The following ABLIM2 variants were observed in gnomAD, a reference collection of about 807,000 sequenced individuals.
The protein encoded by ABLIM2 is actin binding LIM protein family member 2.
Under a neutral mutation model 97.7 loss-of-function variants are expected in ABLIM2, and 53 were observed. The ratio of observed to expected loss-of-function variants is 0.54; its 90% confidence interval spans 0.44 to 0.68. The LOEUF (loss-of-function observed/expected upper bound fraction) is 0.68. ABLIM2 is among the 30% of genes least tolerant of loss of function. ABLIM2 has a pLI of 0.00. For synonymous variants in ABLIM2, 361 were observed against 345.8 expected, an observed-to-expected ratio of 1.04 and a Z score of -0.49; for missense variants, 835 against 867.2, an observed-to-expected ratio of 0.96 and a Z score of 0.47.
intron 20 of ABLIM2, among the ~76,000 whole-genome samples, chr4:7,976,300 T>C (rs550872553): frequency 2.0e-5 from 3 of 152,210 alleles, no homozygotes; most frequent in African/African-American, 7.2e-5. Flanking sequence ...TCTGCATCCA[T>C]CCACTTCTCA....
At chr4:8,097,067 G>T (rs1237479467) in intron 3 of ABLIM2, 32 bp downstream of exon 3, 2 of 1,580,006 alleles carry the variant, frequency 1.3e-6, no homozygotes, top group East Asian at 2.3e-5. Flanking sequence ...AGAGAGGCAG[G>T]GGAAGCAGAG....
rs1454400148 is a variant in ABLIM2, at chr4:8,069,183, A to C, written c.676-8129T>G. ...CGTGAGCCTCAGGAGCGCTTGGCCCAGCGGCCTCATTCTCTGCTGTACCCC... is the reference window on the plus strand; with the variant it reads ...CGTGAGCCTCAGGAGCGCTTGGCCCCGCGGCCTCATTCTCTGCTGTACCCC... On this transcript the variant is annotated intron_variant, in intron 6 of 20. Coordinates refer to ENST00000447017, the MANE Select transcript of ABLIM2 (RefSeq NM_001130083.2). This position sits in a 1 kb window ranked among gnomAD's most constrained non-coding sequence, Gnocchi z 4.2. Among the ~76,000 whole-genome samples the C allele has an allele frequency of 6.6e-6, 1 of 152,234 alleles. No homozygotes were observed. Among genetic ancestry groups the C allele is most frequent in the African/African-American group, 2.4e-5 (1 of 41,458 alleles).
chr4:7,987,104 G>C (rs1272514442), intron 17 of ABLIM2, among the ~76,000 whole-genome samples: 1 of 152,130 alleles, frequency 6.6e-6, no homozygotes, highest in East Asian at 1.9e-4. Flanking sequence ...AGCCTTCTGG[G>C]TAGGTGGGAC....
chr4:8,045,371 C>CTGGG, intron 8 of ABLIM2, 130 bp from the exon 9 acceptor site: 2 of 857,408 alleles, frequency 2.3e-6, no homozygotes, highest in Non-Finnish European at 3.9e-6. Context: ...TGGGGCTGGG[C>CTGGG]CGGGCACGGC....
At position 8,077,729 on chromosome 4, in the gene ABLIM2, G is replaced by A. The variant is rs139771931; in HGVS notation, c.582-8C>T. On this transcript the variant is annotated splice_region_variant and splice_polypyrimidine_tract_variant and intron_variant, in intron 5 of 20. Transcript: ENST00000447017. ...CAGTAGGGCAGCCCATCCCTGCAAT[G>A]AGACAGGCAGTCAACACAGGGCGGG... 410 of 1,608,402 alleles carry A rather than the reference G, an allele frequency of 2.5e-4. No individual in the cohort carries two copies. In the African/African-American group the frequency reaches 3.7e-3, roughly 14 times the overall value.
Position 8,068,253 on chromosome 4 carries a change from C to T in ABLIM2, c.676-7199G>A, listed in dbSNP as rs1244578696. Among the ~76,000 whole-genome samples, 1 of 152,172 alleles carries T rather than the reference C, an allele frequency of 6.6e-6. No individual in the cohort carries two copies. Among genetic ancestry groups the T allele is most frequent in the Non-Finnish European group, 1.5e-5 (1 of 68,024 alleles). On this transcript the variant is annotated intron_variant, in intron 6 of 20. Coordinates refer to ENST00000447017, the MANE Select transcript of ABLIM2 (RefSeq NM_001130083.2). This position sits in a 1 kb window ranked among gnomAD's most constrained non-coding sequence, Gnocchi z 4.5. ...CTCGGATTTCAAAATATATGAGCAA[C>T]TGAAAGACTTTGCAGTGAGTGGTTT...
chr4:8,064,420 A>T (rs1042405223), intron 6 of ABLIM2, among the ~76,000 whole-genome samples: 1 of 152,202 alleles, frequency 6.6e-6, no homozygotes. Flanking sequence ...TGAAGACAGG[A>T]GGAAAGCTCT....
chr4:8,133,987 G>C (rs903856281), intron 1 of ABLIM2, among the ~76,000 whole-genome samples: 11 of 149,000 alleles, frequency 7.4e-5, no homozygotes, highest in African/African-American at 2.8e-4. Context: ...GCAGGTTGCA[G>C]GGGGGGGTGA....
chr4:7,983,613 A>C, intron 18 of ABLIM2, 59 bp from the exon 19 acceptor site: 1 of 1,598,570 alleles, frequency 6.3e-7, no homozygotes, highest in Non-Finnish European at 8.5e-7. Flanking sequence ...GATGTCGTCC[A>C]AGGTGAGTGC....
In ABLIM2 at chr4:8,147,397, T is replaced by C. The variant is rs529997372; in HGVS notation, c.10+11283A>G. ...GCTGAGTAATGCCTCCCCCAGAAGA[T>C]ATCCCCATCTAATCGCTAAAACCTG... On this transcript the variant is annotated intron_variant, in intron 1 of 20. Transcript: ENST00000447017. The surrounding 1 kb of genome is among the most constrained non-coding windows in gnomAD (Gnocchi z 5.3). Among the ~76,000 whole-genome samples, 1 of 152,292 alleles carries C rather than the reference T, an allele frequency of 6.6e-6. No individual in the cohort carries two copies. The highest frequency in any genetic ancestry group is 2.1e-4 in the South Asian group (1 of 4,822).
rs189911738 is a variant in ABLIM2 at position 8,043,982 on chromosome 4, C to T, written c.900+1182G>A. On this transcript the variant is annotated intron_variant, in intron 9 of 20. Transcript: ENST00000447017. This position sits in a 1 kb window ranked among gnomAD's most constrained non-coding sequence, Gnocchi z 4.8. ...TAAGCTTCAGAGTGCACATCCCAAG[C>T]GCCACAGTGCCACTCACTCTCCAGG... is the stretch of plus-strand genomic sequence containing the variant. 2.6e-5 allele frequency among the ~76,000 whole-genome samples: 4 copies of T among 152,268 alleles called. No individual in the cohort carries two copies. The East Asian group carries it at 7.7e-4, about 29-fold the overall frequency.
In ABLIM2 at chr4:7,966,879, C is replaced by CCCGGG; in HGVS notation, c.*110_*111insCCCGG. ...CTGGGGGACCCCCTCCCGCCCACCC[C>CCCGGG]ATGGACACAGAGAAGCCAGAGCAAG... On this transcript the variant is annotated 3_prime_UTR_variant, in exon 21 of 21. Coordinates refer to ENST00000447017, the MANE Select transcript of ABLIM2 (RefSeq NM_001130083.2). 2 of 361,394 alleles carry CCCGGG rather than the reference C, an allele frequency of 5.5e-6. No homozygotes were observed. Among genetic ancestry groups the CCCGGG allele is most frequent in the South Asian group, 2.8e-5 (1 of 35,440 alleles). The allele number at this position is 361,394 out of a possible 1,614,324, so 22.4% of individuals were successfully genotyped here.
chr4:8,032,267 T>C lies in ABLIM2; in HGVS notation c.1048-2491A>G, dbSNP rs1334715762. 2.0e-5 allele frequency among the ~76,000 whole-genome samples: 3 copies of C among 151,354 alleles called. No homozygotes were observed. The highest frequency in any genetic ancestry group is 4.4e-5 in the Non-Finnish European group (3 of 67,986). ...TTTGTAGAGAGACACGTCCAGTGTT[T>C]CTCCACGAGGACTGGGTGCTTCCAC... On this transcript the variant is annotated intron_variant, in intron 10 of 20. Coordinates refer to ENST00000447017, the MANE Select transcript of ABLIM2 (RefSeq NM_001130083.2). This position sits in a 1 kb window ranked among gnomAD's most constrained non-coding sequence, Gnocchi z 4.3.
chr4:8,137,277 G>C (rs559527942), intron 1 of ABLIM2, among the ~76,000 whole-genome samples: 1 of 152,250 alleles, frequency 6.6e-6, no homozygotes, highest in Non-Finnish European at 1.5e-5. Context: ...GGGATCCTGA[G>C]CTGGGTGAGA....
Position 8,120,157 on chromosome 4 carries a change from G to A in ABLIM2, c.11-13520C>T, listed in dbSNP as rs958603122. ...GCAGGAAGAGAAAAACAGCCCAGCGGCCACGCTGCCCCTTCCTCCCAGAAG... is the reference window on the plus strand; with the variant it reads ...GCAGGAAGAGAAAAACAGCCCAGCGACCACGCTGCCCCTTCCTCCCAGAAG... On this transcript the variant is annotated intron_variant, in intron 1 of 20. Transcript: ENST00000447017. The surrounding 1 kb of genome is among the most constrained non-coding windows in gnomAD (Gnocchi z 5.6). 7.9e-5 allele frequency among the ~76,000 whole-genome samples: 12 copies of A among 152,138 alleles called. No homozygotes were observed. The highest frequency in any genetic ancestry group is 2.9e-4 in the African/African-American group (12 of 41,454).
intron 5 of ABLIM2, among the ~76,000 whole-genome samples, chr4:8,078,568 G>T (rs2152422900): frequency 6.6e-6 from 1 of 152,360 alleles, no homozygotes. Context: ...AAGATGGATG[G>T]CTGTGCAGAT....
At chr4:8,070,988 CAGG>C (rs1024910097) in intron 6 of ABLIM2, among the ~76,000 whole-genome samples, 17 of 152,168 alleles carry the variant, frequency 1.1e-4, no homozygotes, top group African/African-American at 3.6e-4. Flanking sequence ...CCCACCTCTT[CAGG>C]AGGTGTTGAC....
At position 8,029,513 on chromosome 4, in the gene ABLIM2, T is replaced by C. The variant is rs548070471; in HGVS notation, c.1168+143A>G. On this transcript the variant is annotated intron_variant, in intron 11 of 20. Coordinates refer to ENST00000447017, the MANE Select transcript of ABLIM2 (RefSeq NM_001130083.2). ...AACAGGTTCTCAGCCACCCACCCGC[T>C]GGCAATCCCACCCATTTCCATCATA... 6 of 1,147,046 alleles carry C rather than the reference T, an allele frequency of 5.2e-6. No homozygotes were observed. In the South Asian group the frequency reaches 1.1e-4, roughly 20 times the overall value. The allele number at this position is 1,147,046 out of a possible 1,614,324, so 71.1% of individuals were successfully genotyped here. A position where few individuals can be genotyped will look rare whatever the true frequency, so the allele number is the denominator to read the frequency against.
rs528531909 is a variant in ABLIM2 at position 8,085,311 on chromosome 4, C to T, written c.454+2858G>A. Among the ~76,000 whole-genome samples the T allele has an allele frequency of 5.9e-4, 90 of 152,320 alleles. No homozygotes were observed. Among genetic ancestry groups the T allele is most frequent in the Admixed American group, 1.7e-3 (26 of 15,308 alleles). On this transcript the variant is annotated intron_variant, in intron 4 of 20. Coordinates refer to ENST00000447017, the MANE Select transcript of ABLIM2 (RefSeq NM_001130083.2). The surrounding 1 kb of genome is among the most constrained non-coding windows in gnomAD (Gnocchi z 6.1). ...ACGGTGCTGCTTCCTACATTCTGGA[C>T]TGACTTGACTCTACCCCACTCCACA...
Sources: allele counts gnomAD v4.1 joint callset (sites outside exome capture counted in the v4.1 genomes callset), GRCh38; gene constraint gnomAD v4.1.1; non-coding constraint Gnocchi (gnomAD v3.1); transcripts MANE v1.5; gene names NCBI Gene and HGNC (gene_info 2026-07-23, HGNC 2026-07-21).